Variants in TNFSF4 observed in about 807,000 individuals in gnomAD.
The protein encoded by TNFSF4 is tumor necrosis factor ligand superfamily member 4.
A neutral mutation model predicts 7.3 loss-of-function variants in TNFSF4; 4 were observed. The observed-to-expected ratio is 0.55, with a 90% confidence interval of 0.27 to 1.25. The LOEUF (loss-of-function observed/expected upper bound fraction) is 1.25, where lower values mean the gene tolerates loss of function less well. TNFSF4 is among the 50% of genes most tolerant of loss of function. The pLI, the probability that TNFSF4 is intolerant of heterozygous loss-of-function variation, is 0.12. For missense variants in TNFSF4, 181 were observed against 208.8 expected (o/e 0.87, Z 0.82); for synonymous variants, 76 against 83.7 (o/e 0.91, Z 0.50).
the TNFSF4 span, among the ~76,000 whole-genome samples, chr1:173,443,660 T>A: frequency 6.6e-6 from 1 of 152,178 alleles, no homozygotes; most frequent in African/African-American, 2.4e-5. Flanking sequence ...CCCCGTAAAG[T>A]CACCCCTAAT....
the TNFSF4 span, among the ~76,000 whole-genome samples, chr1:173,236,471 A>T: frequency 6.6e-6 from 1 of 151,774 alleles, no homozygotes; most frequent in African/African-American, 2.4e-5. Flanking sequence ...AATAAGGGGT[A>T]GAAGAGTTAG....
At chr1:173,328,614 A>C in the TNFSF4 span, among the ~76,000 whole-genome samples, 1 of 151,924 alleles carries the variant, frequency 6.6e-6, no homozygotes, top group African/African-American at 2.4e-5. Flanking sequence ...GCAAACCACC[A>C]TGGCACATGT....
At chr1:173,413,998 T>C in the TNFSF4 span, among the ~76,000 whole-genome samples, 1 of 151,992 alleles carries the variant, frequency 6.6e-6, no homozygotes, top group Non-Finnish European at 1.5e-5. Flanking sequence ...ACCCTACAAA[T>C]CACATGACAG....
the TNFSF4 span, among the ~76,000 whole-genome samples, chr1:173,283,232 A>ACCC: frequency 6.6e-6 from 1 of 152,150 alleles, no homozygotes; most frequent in African/African-American, 2.4e-5. Flanking sequence ...AGGCCTTTGA[A>ACCC]TGTATATTTC....
chr1:173,207,228 G>T lies in TNFSF4; in HGVS notation c.-52C>A. The T allele has an allele frequency of 6.5e-7, 1 of 1,541,796 alleles. No homozygotes were observed. Among genetic ancestry groups the T allele is most frequent in the Non-Finnish European group, 8.9e-7 (1 of 1,128,674 alleles). On this transcript the variant is annotated 5_prime_UTR_variant, in exon 1 of 3. Coordinates refer to ENST00000281834, the MANE Select transcript of TNFSF4 (RefSeq NM_003326.5). Reference sequence around the variant, plus strand: ...GAAGATATGGAAAAGGGGAACGTGCGATAAAACTGAAGTTTTCCCCAGAAA... The same window carrying T: ...GAAGATATGGAAAAGGGGAACGTGCTATAAAACTGAAGTTTTCCCCAGAAA...
the TNFSF4 span, among the ~76,000 whole-genome samples, chr1:173,218,656 A>G: frequency 6.6e-6 from 1 of 152,326 alleles, no homozygotes; most frequent in African/African-American, 2.4e-5. Context: ...AAGCTCCTCT[A>G]TAATGTGTAA....
chr1:173,351,178 C>T, the TNFSF4 span, among the ~76,000 whole-genome samples: 1 of 152,204 alleles, frequency 6.6e-6, no homozygotes, highest in East Asian at 1.9e-4. Flanking sequence ...CTGCCAGTTA[C>T]ACTGAATTTT....
At chr1:173,206,670 T>C (rs958155626) in intron 1 of TNFSF4, among the ~76,000 whole-genome samples, 3 of 152,230 alleles carry the variant, frequency 2.0e-5, no homozygotes, top group Admixed American at 2.0e-4. Context: ...ATTAATTGCC[T>C]GATCAAACAC....
chr1:173,358,867 T>C, the TNFSF4 span, among the ~76,000 whole-genome samples: 1 of 152,248 alleles, frequency 6.6e-6, no homozygotes, highest in Non-Finnish European at 1.5e-5. Flanking sequence ...CACTGCTATA[T>C]GCTGTTTAAA....
At chr1:173,253,098 A>T in the TNFSF4 span, among the ~76,000 whole-genome samples, 1 of 152,146 alleles carries the variant, frequency 6.6e-6, no homozygotes, top group Non-Finnish European at 1.5e-5. Context: ...ATTTTGGTCA[A>T]TGTCTTGCTT....
chr1:173,281,136 ATT>A, the TNFSF4 span, among the ~76,000 whole-genome samples: 16 of 152,096 alleles, frequency 1.1e-4, no homozygotes, highest in Non-Finnish European at 2.4e-4. Flanking sequence ...TGAGATGCGC[ATT>A]GTTAGAACAG....
the TNFSF4 span, among the ~76,000 whole-genome samples, chr1:173,333,644 A>G: frequency 2.6e-5 from 4 of 152,200 alleles, no homozygotes; most frequent in African/African-American, 9.7e-5. Flanking sequence ...CACAGCCAGA[A>G]GGCAGCTACC....
the TNFSF4 span, among the ~76,000 whole-genome samples, chr1:173,336,466 T>C: frequency 6.6e-6 from 1 of 152,210 alleles, no homozygotes; most frequent in Non-Finnish European, 1.5e-5. Flanking sequence ...CAGCTATTGA[T>C]GAGGCAAATG....
At chr1:173,333,898 A>G in the TNFSF4 span, among the ~76,000 whole-genome samples, 1 of 152,204 alleles carries the variant, frequency 6.6e-6, no homozygotes, top group Non-Finnish European at 1.5e-5. Flanking sequence ...TCTGACCTTC[A>G]GACTCATATT....
chr1:173,423,900 T>A, the TNFSF4 span, among the ~76,000 whole-genome samples: 1 of 152,118 alleles, frequency 6.6e-6, no homozygotes, highest in African/African-American at 2.4e-5. Context: ...AAATCCAAGA[T>A]CAAGGTGCCA....
the TNFSF4 span, among the ~76,000 whole-genome samples, chr1:173,287,697 G>GA: frequency 6.6e-6 from 1 of 151,996 alleles, no homozygotes; most frequent in Non-Finnish European, 1.5e-5. Context: ...ATAGAACGGA[G>GA]AAAAATTCAC....
chr1:173,222,536 G>A, the TNFSF4 span, among the ~76,000 whole-genome samples: 1 of 152,164 alleles, frequency 6.6e-6, no homozygotes, highest in Admixed American at 6.5e-5. Context: ...AGATTTAGAG[G>A]TTTTAGGTTA....
the TNFSF4 span, among the ~76,000 whole-genome samples, chr1:173,243,011 G>T: frequency 8.0e-5 from 9 of 112,570 alleles, no homozygotes; most frequent in East Asian, 3.3e-4. Flanking sequence ...GGGTGGGGGG[G>T]GGGGGGGAGC....
chr1:173,342,425 T>C, the TNFSF4 span, among the ~76,000 whole-genome samples: 1 of 152,178 alleles, frequency 6.6e-6, no homozygotes, highest in African/African-American at 2.4e-5. Flanking sequence ...TCACAGCGTG[T>C]TATTACATCT....
Sources: allele counts gnomAD v4.1 joint callset (sites outside exome capture counted in the v4.1 genomes callset), GRCh38; gene constraint gnomAD v4.1.1; transcripts MANE v1.5; gene names NCBI Gene and HGNC (gene_info 2026-07-23, HGNC 2026-07-21).